The following RTF2 variants were observed in gnomAD, a reference collection of about 807,000 sequenced individuals.
RTF2 encodes UPF0549 protein C20orf43.
Under a neutral mutation model 38.0 loss-of-function variants are expected in RTF2, and 18 were observed. The observed-to-expected ratio is 0.47, with a 90% CI of 0.33 to 0.70. The LOEUF (loss-of-function observed/expected upper bound fraction) is 0.70, where lower values mean the gene tolerates loss of function less well. RTF2 is among the 30% of genes least tolerant of loss of function. RTF2 has a pLI of 0.02. For missense variants in RTF2, 311 were observed against 379.6 expected, an observed-to-expected ratio of 0.82 and a Z score of 1.50; for synonymous variants, 126 against 137.1, an observed-to-expected ratio of 0.92 and a Z score of 0.57.
At chr20:56,485,460 G>A (rs932550821) in intron 5 of RTF2, among the ~76,000 whole-genome samples, 33 of 152,206 alleles carry the variant, frequency 2.2e-4, no homozygotes, top group Admixed American at 3.9e-4. Flanking sequence ...TCGAAGAGCA[G>A]CAGGAAGCCA....
chr20:56,487,676 A>G (rs951628321), intron 5 of RTF2, among the ~76,000 whole-genome samples: 1 of 152,222 alleles, frequency 6.6e-6, no homozygotes. Flanking sequence ...GGCTGCTGTA[A>G]TTAAGTACCC....
At chr20:56,506,342 C>T (rs903251767) in intron 5 of RTF2, among the ~76,000 whole-genome samples, 1 of 152,180 alleles carries the variant, frequency 6.6e-6, no homozygotes, top group African/African-American at 2.4e-5. Flanking sequence ...GAAACAAAAA[C>T]AGGATTCCGT....
At chr20:56,512,139 G>A (rs564681187) in intron 5 of RTF2, among the ~76,000 whole-genome samples, 9 of 152,226 alleles carry the variant, frequency 5.9e-5, no homozygotes, top group South Asian at 4.2e-4. Flanking sequence ...AAGCCACCGC[G>A]CCCAGTCTTA....
intron 5 of RTF2, among the ~76,000 whole-genome samples, chr20:56,507,528 A>G (rs1481209278): frequency 4.6e-5 from 7 of 152,196 alleles, no homozygotes; most frequent in African/African-American, 1.4e-4. Context: ...TCAGTGGCCA[A>G]TTCAACTTTA....
chr20:56,511,425 ACC>A (rs1984663832), intron 5 of RTF2, among the ~76,000 whole-genome samples: 2 of 151,264 alleles, frequency 1.3e-5, no homozygotes, highest in African/African-American at 4.9e-5. Flanking sequence ...CCTTCCCCCA[ACC>A]ATCTATGGAA....
intron 1 of RTF2, chr20:56,472,243 A>G (rs1982008526): frequency 1.2e-6 from 1 of 824,082 alleles, no homozygotes; most frequent in Non-Finnish European, 2.0e-6. Flanking sequence ...AATAAAATAA[A>G]TTCAGCAGGA....
At chr20:56,492,330 G>T (rs184264540) in intron 5 of RTF2, among the ~76,000 whole-genome samples, 60 of 151,066 alleles carry the variant, frequency 4.0e-4, no homozygotes, top group Non-Finnish European at 6.4e-4. Context: ...TTCCCACCTC[G>T]GCCTCCCAAA....
intron 7 of RTF2, 38 bp from the exon 8 acceptor site, chr20:56,517,068 G>A (rs962158194): frequency 2.5e-6 from 4 of 1,611,164 alleles, no homozygotes; most frequent in Non-Finnish European, 3.4e-6. Context: ...GCTTTGTTTT[G>A]CATTGTTTTT....
At chr20:56,487,918 C>T (rs559271210) in intron 5 of RTF2, among the ~76,000 whole-genome samples, 28 of 152,330 alleles carry the variant, frequency 1.8e-4, no homozygotes, top group African/African-American at 6.0e-4. Flanking sequence ...TAGGGCCCAA[C>T]TTAATGGCCT....
chr20:56,469,991 C>T (rs1251679696), intron 1 of RTF2, among the ~76,000 whole-genome samples: 1 of 152,224 alleles, frequency 6.6e-6, no homozygotes, highest in African/African-American at 2.4e-5. Flanking sequence ...CTCTTCTCTT[C>T]TTAACAGTGC....
chr20:56,487,840 T>C (rs1257695585), intron 5 of RTF2, among the ~76,000 whole-genome samples: 1 of 152,220 alleles, frequency 6.6e-6, no homozygotes, highest in Non-Finnish European at 1.5e-5. Flanking sequence ...TCACATCATC[T>C]TCCCTCTATC....
chr20:56,506,638 T>A (rs934733446), intron 5 of RTF2, among the ~76,000 whole-genome samples: 1 of 152,222 alleles, frequency 6.6e-6, no homozygotes, highest in Non-Finnish European at 1.5e-5. Context: ...GTTTAACTTA[T>A]GATAAGCATT....
chr20:56,476,955 A>C (rs1982277914), intron 3 of RTF2, 30 bp from the exon 4 acceptor site: 1 of 1,610,420 alleles, frequency 6.2e-7, no homozygotes, highest in Non-Finnish European at 8.5e-7. Context: ...TTATCAAATG[A>C]ATTGTTAAAA....
chr20:56,480,386 G>A (rs1600799263), intron 4 of RTF2, among the ~76,000 whole-genome samples: 1 of 152,210 alleles, frequency 6.6e-6, no homozygotes, highest in African/African-American at 2.4e-5. Flanking sequence ...CTCTGGGTTA[G>A]GCTTTGGCTT....
At chr20:56,472,580 A>AG (rs1398450908) in intron 1 of RTF2, among the ~76,000 whole-genome samples, 1 of 151,974 alleles carries the variant, frequency 6.6e-6, no homozygotes, top group African/African-American at 2.4e-5. Context: ...GAACTTTAAA[A>AG]AAAAAATGCT....
intron 5 of RTF2, among the ~76,000 whole-genome samples, chr20:56,510,914 C>G (rs1984621502): frequency 6.6e-6 from 1 of 152,164 alleles, no homozygotes; most frequent in Admixed American, 6.5e-5. Context: ...GATGGCACCA[C>G]TGCACTCCAG....
intron 5 of RTF2, among the ~76,000 whole-genome samples, chr20:56,492,058 G>A (rs572351709): frequency 3.3e-5 from 5 of 152,154 alleles, no homozygotes; most frequent in African/African-American, 7.2e-5. Flanking sequence ...CTCACCACGC[G>A]CACACGAGAG....
chr20:56,508,171 C>G (rs969160660), intron 5 of RTF2, among the ~76,000 whole-genome samples: 10 of 152,156 alleles, frequency 6.6e-5, no homozygotes, highest in African/African-American at 2.4e-4. Flanking sequence ...ACCTGAAAAT[C>G]ACTGTTGGAG....
rs142373161 is a variant in RTF2 at position 56,468,868 on chromosome 20, C to T, written c.69+102C>T. 19 of 944,522 alleles carry T rather than the reference C, an allele frequency of 2.0e-5. No homozygotes were observed. The East Asian group carries it at 4.2e-4, about 21-fold the overall frequency. The allele number at this position is 944,522 out of a possible 1,614,324, so 58.5% of individuals were successfully genotyped here. On this transcript the variant is annotated intron_variant, in intron 1 of 8. Transcript: ENST00000357348. The stretch of plus-strand genomic sequence containing the variant: ...AAGGGGGAGCCAGCGGAGTTCCAGA[C>T]CTGGCTGCGGTCTTTTATTCCATTC...
Sources: allele counts gnomAD v4.1 joint callset (sites outside exome capture counted in the v4.1 genomes callset), GRCh38; gene constraint gnomAD v4.1.1; transcripts MANE v1.5; gene names NCBI Gene and HGNC (gene_info 2026-07-23, HGNC 2026-07-21).